PRPF6: variants seen among roughly 807,000 people sequenced by gnomAD.
The protein encoded by PRPF6 is pre-mRNA-processing factor 6.
In PRPF6, 42 loss-of-function variants were observed where a neutral mutation model predicts 118.3. That is an observed-to-expected ratio of 0.35 (90% CI 0.28 to 0.46). The LOEUF (loss-of-function observed/expected upper bound fraction) is 0.46, where lower values mean the gene tolerates loss of function less well. Among genes scored for constraint, PRPF6 ranks in the 20% least tolerant of loss-of-function variants. PRPF6 has a pLI of 1.00. For missense variants in PRPF6, 662 were observed against 1,255.7 expected (o/e 0.53, Z 7.15); for synonymous variants, 481 against 485.1 (o/e 0.99, Z 0.11).
At chr20:64,031,027 T>G (rs1601535502) in intron 19 of PRPF6, among the ~76,000 whole-genome samples, 1 of 152,128 alleles carries the variant, frequency 6.6e-6, no homozygotes, top group South Asian at 2.1e-4. Flanking sequence ...CGGGTGGGGG[T>G]GCCATGCACA....
chr20:64,000,979 C>T (rs2059163964), intron 8 of PRPF6, 98 bp from the exon 9 acceptor site: 1 of 1,391,862 alleles, frequency 7.2e-7, no homozygotes, highest in Admixed American at 1.7e-5. Context: ...TTCGTAAATT[C>T]TGGGGCCCGA....
At chr20:64,013,888 C>T (rs1343003884) in intron 11 of PRPF6, among the ~76,000 whole-genome samples, 2 of 152,092 alleles carry the variant, frequency 1.3e-5, no homozygotes, top group Non-Finnish European at 2.9e-5. Flanking sequence ...ATCCTGTGTC[C>T]GTGAGTTGTT....
At chr20:64,007,289 G>A (rs2059194381) in intron 9 of PRPF6, among the ~76,000 whole-genome samples, 2 of 152,100 alleles carry the variant, frequency 1.3e-5, no homozygotes, top group Non-Finnish European at 2.9e-5. Context: ...TCCCTGCCAG[G>A]GCCTCACAGC....
chr20:63,994,986 G>A lies in PRPF6; in HGVS notation c.509G>A (p.Arg170His), dbSNP rs202059755. The change falls in exon 5 of 21, where the codon CGT (arginine) becomes CAT (histidine). Residue 170 changes from arginine (R) to histidine (H), a missense_variant. Physicochemically the swap from Arg to His is conservative, Grantham distance 29 (BLOSUM62 0). Transcript: ENST00000266079. Reference protein sequence around the residue: ...IPEVGDARNKRQRNPRYEKLT... With the variant: ...IPEVGDARNKHQRNPRYEKLT... ...GAGGTTGGCGATGCCAGAAATAAAC[G>A]TCAGCGGAACCCACGCTATGAGAAG... is the stretch of plus-strand genomic sequence containing the variant. 27 of 1,614,196 alleles carry A rather than the reference G, an allele frequency of 1.7e-5. No homozygotes were observed. In the African/African-American group the frequency reaches 1.7e-4, roughly 10 times the overall value.
chr20:64,021,184 C>CTGTG (rs141382746), intron 12 of PRPF6, among the ~76,000 whole-genome samples: 2 of 151,994 alleles, frequency 1.3e-5, no homozygotes, highest in Admixed American at 6.6e-5. Flanking sequence ...CCACAGCCCT[C>CTGTG]TGTGTGTGTG....
intron 2 of PRPF6, among the ~76,000 whole-genome samples, chr20:63,984,634 A>C (rs1259468672): frequency 1.3e-5 from 2 of 152,068 alleles, no homozygotes; most frequent in South Asian, 2.1e-4. Context: ...TTTTTCCATG[A>C]ATGTCCGCTT....
intron 11 of PRPF6, among the ~76,000 whole-genome samples, chr20:64,015,790 T>A (rs2059234354): frequency 6.6e-6 from 1 of 152,190 alleles, no homozygotes. Flanking sequence ...GCTCATCTGA[T>A]ACGTGCACAA....
At chr20:64,008,181 C>T (rs1356912493) in intron 9 of PRPF6, among the ~76,000 whole-genome samples, 6 of 152,210 alleles carry the variant, frequency 3.9e-5, no homozygotes, top group Non-Finnish European at 7.3e-5. Context: ...ACCACATGCA[C>T]ACATGGTTGG....
chr20:64,032,585 C>G (rs567580191), intron 20 of PRPF6, among the ~76,000 whole-genome samples: 1 of 152,262 alleles, frequency 6.6e-6, no homozygotes, highest in African/African-American at 2.4e-5. Context: ...GTGTGAGGCA[C>G]AGACATGGGG....
intron 19 of PRPF6, among the ~76,000 whole-genome samples, chr20:64,031,595 C>T (rs1476710983): frequency 6.6e-6 from 1 of 151,488 alleles, no homozygotes; most frequent in Non-Finnish European, 1.5e-5. Context: ...ATCGCTTGAA[C>T]CTGGGAGGCA....
intron 12 of PRPF6, among the ~76,000 whole-genome samples, chr20:64,021,304 G>A (rs897579867): frequency 1.3e-5 from 2 of 150,912 alleles, no homozygotes; most frequent in African/African-American, 2.5e-5. Context: ...GTGTGTGTGT[G>A]TGTGCATGTA....
chr20:64,021,676 C>T, intron 12 of PRPF6, among the ~76,000 whole-genome samples: 1 of 110,238 alleles, frequency 9.1e-6, no homozygotes, highest in South Asian at 3.0e-4. Flanking sequence ...AGCCCCGTGT[C>T]TGTGTGTGCG....
intron 9 of PRPF6, among the ~76,000 whole-genome samples, chr20:64,001,989 T>C (rs1295787438): frequency 1.3e-5 from 2 of 150,978 alleles, no homozygotes; most frequent in Admixed American, 1.3e-4. Context: ...GCTTCTTTTT[T>C]TTCATTTTTT....
chr20:63,997,289 T>C (rs1383321101), intron 6 of PRPF6, among the ~76,000 whole-genome samples: 3 of 74,328 alleles, frequency 4.0e-5, no homozygotes, highest in Admixed American at 1.2e-4. Flanking sequence ...CAGCATGTTC[T>C]TTTTTTTTTT....
Position 64,027,852 on chromosome 20 carries a change from TG to T in PRPF6, c.2339+122del, listed in dbSNP as rs936295533. The T allele has an allele frequency of 4.1e-6, 6 of 1,463,244 alleles. No individual in the cohort carries two copies. The East Asian group carries it at 9.1e-5, about 22-fold the overall frequency. 90.6% of individuals were successfully genotyped at this position (1,463,244 alleles called of 1,614,324 possible). A position where few individuals can be genotyped will look rare whatever the true frequency, so the allele number is the denominator to read the frequency against. ...TGCAGTGCTTCCAGGCTCAGGGGCT[TG>T]GGGGGCGGTAGGTGCTGGCCATGAA... On this transcript the variant is annotated intron_variant, in intron 17 of 20. Coordinates refer to ENST00000266079, the MANE Select transcript of PRPF6 (RefSeq NM_012469.4). This position sits in a 1 kb window ranked among gnomAD's most constrained non-coding sequence, Gnocchi z 6.5.
At chr20:63,999,301 T>C (rs2059155320) in intron 7 of PRPF6, among the ~76,000 whole-genome samples, 162 bp downstream of exon 7, 1 of 151,488 alleles carries the variant, frequency 6.6e-6, no homozygotes, top group Non-Finnish European at 1.5e-5. Context: ...TCTGTATCCA[T>C]TCATTGCGTA....
intron 3 of PRPF6, among the ~76,000 whole-genome samples, chr20:63,988,285 A>T (rs2122983998): frequency 6.7e-6 from 1 of 150,354 alleles, no homozygotes; most frequent in South Asian, 2.1e-4. Context: ...GCACCACTGC[A>T]CTCCAGCCTG....
chr20:64,018,131 G>A (rs2059247233), intron 12 of PRPF6, among the ~76,000 whole-genome samples: 1 of 152,190 alleles, frequency 6.6e-6, no homozygotes. Context: ...AGGAGTTTGG[G>A]GCCGTAGTGA....
At chr20:64,018,576 T>C (rs1281460855) in intron 12 of PRPF6, among the ~76,000 whole-genome samples, 1 of 152,212 alleles carries the variant, frequency 6.6e-6, no homozygotes, top group Non-Finnish European at 1.5e-5. Flanking sequence ...TTGGCCTGAA[T>C]CAGTTATTTC....
Sources: allele counts gnomAD v4.1 joint callset (sites outside exome capture counted in the v4.1 genomes callset), GRCh38; gene constraint gnomAD v4.1.1; non-coding constraint Gnocchi (gnomAD v3.1); transcripts MANE v1.5; gene names NCBI Gene and HGNC (gene_info 2026-07-23, HGNC 2026-07-21).